The following PTK2 variants were observed in gnomAD, a reference collection of about 807,000 sequenced individuals.
PTK2 encodes focal adhesion kinase 1.
PTK2 carries 45 observed loss-of-function variants against 150.1 expected under a neutral mutation model. That is an observed-to-expected ratio of 0.30 (90% CI 0.24 to 0.38). The LOEUF (loss-of-function observed/expected upper bound fraction) is 0.38. Ranked by LOEUF, PTK2 falls within the 10% of genes least tolerant of loss-of-function variation. The probability of loss-of-function intolerance (pLI) is 1.00; values close to 1 mark genes in which losing one functional copy is unlikely to be tolerated. For missense variants in PTK2, 919 were observed against 1,307.3 expected, an observed-to-expected ratio of 0.70 and a Z score of 4.58; for synonymous variants, 432 against 449.2, an observed-to-expected ratio of 0.96 and a Z score of 0.48.
chr8:140,744,966 T>G (rs2100057872), intron 18 of PTK2, among the ~76,000 whole-genome samples, 199 bp from the exon 22 acceptor site: 1 of 152,222 alleles, frequency 6.6e-6, no homozygotes, highest in African/African-American at 2.4e-5. Context: ...ATTTTTTATT[T>G]GAAATCCTAT....
intron 14 of PTK2, among the ~76,000 whole-genome samples, chr8:140,774,280 G>A (rs771284442): frequency 4.6e-5 from 7 of 152,204 alleles, no homozygotes; most frequent in African/African-American, 7.2e-5. Flanking sequence ...ACCAGCAAAA[G>A]CTGCAGTTTT....
intron 6 of PTK2, 54 bp from the exon 7 acceptor site, chr8:140,846,376 G>A (rs1417993787): frequency 6.4e-7 from 1 of 1,550,854 alleles, no homozygotes; most frequent in Non-Finnish European, 8.8e-7. Context: ...TGTTTGTGTT[G>A]TTAAGTGATA....
At chr8:140,726,007 G>A (rs1254571973) in intron 22 of PTK2, among the ~76,000 whole-genome samples, 3 of 151,994 alleles carry the variant, frequency 2.0e-5, no homozygotes, top group African/African-American at 7.3e-5. Context: ...TGGATGAAAC[G>A]ATAGGAAATG....
intron 8 of PTK2, among the ~76,000 whole-genome samples, chr8:140,826,378 T>C (rs2100111791): frequency 6.6e-6 from 1 of 152,146 alleles, no homozygotes; most frequent in Non-Finnish European, 1.5e-5. Context: ...TCCAAAGAAT[T>C]TATGTCAAAT....
chr8:140,698,652 G>T (rs2100028315), intron 26 of PTK2, among the ~76,000 whole-genome samples: 1 of 151,942 alleles, frequency 6.6e-6, no homozygotes, highest in African/African-American at 2.4e-5. Context: ...GTTTCACTCT[G>T]TCACCCAGGC....
intron 23 of PTK2, among the ~76,000 whole-genome samples, chr8:140,717,300 C>A (rs572710151): frequency 3.9e-5 from 6 of 152,220 alleles, no homozygotes; most frequent in Non-Finnish European, 1.5e-5. Flanking sequence ...CTCTGACAAT[C>A]AACAAAGGAA....
At chr8:140,817,432 CA>C (rs1260748647) in intron 10 of PTK2, among the ~76,000 whole-genome samples, 1 of 152,098 alleles carries the variant, frequency 6.6e-6, no homozygotes, top group Non-Finnish European at 1.5e-5. Context: ...GTAAAAAGTT[CA>C]AATCACTACA....
chr8:140,784,885 CT>C (rs2100084011), intron 14 of PTK2, among the ~76,000 whole-genome samples: 1 of 152,224 alleles, frequency 6.6e-6, no homozygotes, highest in Non-Finnish European at 1.5e-5. Flanking sequence ...TCAACATCAA[CT>C]GTCACTGCAA....
chr8:140,782,093 T>C (rs1171693944), intron 14 of PTK2, among the ~76,000 whole-genome samples: 2 of 152,272 alleles, frequency 1.3e-5, no homozygotes, highest in Non-Finnish European at 2.9e-5. Context: ...ACCAGAATAA[T>C]TTCCAGTGAG....
At chr8:140,860,085 C>T (rs920630834) in intron 5 of PTK2, among the ~76,000 whole-genome samples, 1 of 152,072 alleles carries the variant, frequency 6.6e-6, no homozygotes, top group Admixed American at 6.6e-5. Context: ...TTATACATGG[C>T]CTGTTTTAAA....
chr8:140,667,462 CTCTCTT>C (rs1329224106), intron 30 of PTK2, among the ~76,000 whole-genome samples: 4 of 96,726 alleles, frequency 4.1e-5, no homozygotes, highest in Admixed American at 1.1e-4. Context: ...CTCTCTCTCT[CTCTCTT>C]TTTTTTTTTT....
intron 2 of PTK2, among the ~76,000 whole-genome samples, chr8:140,922,679 A>C (rs1265110946): frequency 6.6e-6 from 1 of 152,190 alleles, no homozygotes; most frequent in East Asian, 1.9e-4. Context: ...ATTATATTCT[A>C]CACACTAAGT....
intron 4 of PTK2, among the ~76,000 whole-genome samples, chr8:140,871,546 C>T (rs1168595078): frequency 6.6e-6 from 1 of 152,178 alleles, no homozygotes; most frequent in Non-Finnish European, 1.5e-5. Context: ...TGCCTGTAAT[C>T]TCAGTACTTT....
chr8:140,817,609 G>A (rs2100105542), intron 10 of PTK2, among the ~76,000 whole-genome samples: 2 of 152,112 alleles, frequency 1.3e-5, no homozygotes, highest in Non-Finnish European at 2.9e-5. Context: ...TGACACAGAT[G>A]TATTCCATAT....
exon 32 of PTK2, chr8:140,658,544 C>T (rs1421267657): frequency 5.1e-6 from 1 of 195,234 alleles, no homozygotes; most frequent in Admixed American, 6.1e-5. Context: ...AACTGGACAT[C>T]AAAAGAAAAC....
chr8:140,848,792 T>C (rs541865432), intron 5 of PTK2, among the ~76,000 whole-genome samples: 22 of 152,326 alleles, frequency 1.4e-4, no homozygotes, highest in African/African-American at 5.1e-4. Context: ...GGTATTTAGA[T>C]AGGCAGAAAA....
At chr8:140,822,369 C>CAG (rs2100109222) in intron 8 of PTK2, 2 of 147,006 alleles carry the variant, frequency 1.4e-5, no homozygotes, top group Admixed American at 1.3e-4. Flanking sequence ...CACACACACA[C>CAG]ACAAACACAC....
chr8:140,699,635 AAT>A (rs1241360936), intron 26 of PTK2, among the ~76,000 whole-genome samples: 1 of 152,226 alleles, frequency 6.6e-6, no homozygotes, highest in African/African-American at 2.4e-5. Context: ...AGCAAGATGC[AAT>A]AGTTTATACG....
At chr8:140,819,011 G>C (rs1431608233) in exon 9 of PTK2, 3 of 1,612,894 alleles carry the variant, frequency 1.9e-6, no homozygotes, top group Non-Finnish European at 2.5e-6. Flanking sequence ...AGTTTTCTTA[G>C]TGTTTTGGCC....
Sources: allele counts gnomAD v4.1 joint callset (sites outside exome capture counted in the v4.1 genomes callset), GRCh38; gene constraint gnomAD v4.1.1; transcripts MANE v1.5; gene names NCBI Gene and HGNC (gene_info 2026-07-23, HGNC 2026-07-21).